The following CCDC38 variants were observed in gnomAD, a reference collection of about 807,000 sequenced individuals.
CCDC38 encodes coiled-coil domain containing 38.
Under a neutral mutation model 72.8 loss-of-function variants are expected in CCDC38, and 69 were observed. The observed-to-expected ratio is 0.95, with a 90% confidence interval of 0.78 to 1.16. The LOEUF is 1.16. CCDC38 is among the 50% of genes most tolerant of loss of function. The pLI is 0.00. For missense variants in CCDC38, 626 were observed against 638.9 expected, an observed-to-expected ratio of 0.98 and a Z score of 0.22; for synonymous variants, 201 against 213.2, an observed-to-expected ratio of 0.94 and a Z score of 0.50.
At chr12:95,871,395 T>C (rs1163256431) in intron 14 of CCDC38, among the ~76,000 whole-genome samples, 1 of 152,200 alleles carries the variant, frequency 6.6e-6, no homozygotes, top group African/African-American at 2.4e-5. Flanking sequence ...TATATGCAAA[T>C]ATGCCGTCTT....
At chr12:95,938,631 T>G (rs766648247) in intron 1 of CCDC38, among the ~76,000 whole-genome samples, 6 of 152,230 alleles carry the variant, frequency 3.9e-5, no homozygotes, top group Non-Finnish European at 8.8e-5. Context: ...CAGATGTTGT[T>G]ATACTTCTAT....
chr12:95,892,122 C>T (rs1225461286), intron 8 of CCDC38, among the ~76,000 whole-genome samples: 3 of 130,962 alleles, frequency 2.3e-5, no homozygotes, highest in Non-Finnish European at 4.7e-5. Context: ...TCTCACTCTG[C>T]TTTACTGTTT....
Position 95,873,919 on chromosome 12 carries a change from A to G in CCDC38, c.1279-1459T>C, listed in dbSNP as rs886531674. Among the ~76,000 whole-genome samples the G allele has an allele frequency of 2.0e-5, 3 of 152,222 alleles. No homozygotes were observed. The East Asian group carries it at 5.8e-4, about 29-fold the overall frequency. On this transcript the variant is annotated intron_variant, in intron 13 of 15. Transcript: ENST00000344280. ...TAGCATAAAGCTCCTTTTTACCTTC[A>G]TAAGGTAACACTTATTATATTTCCT...
At chr12:95,877,614 T>A (rs990794086) in intron 13 of CCDC38, among the ~76,000 whole-genome samples, 8 of 152,190 alleles carry the variant, frequency 5.3e-5, no homozygotes, top group African/African-American at 1.9e-4. Flanking sequence ...AACAAACATT[T>A]ATTGAGCACC....
At chr12:95,888,180 TA>T (rs2079781378) in intron 10 of CCDC38, among the ~76,000 whole-genome samples, 2 of 152,156 alleles carry the variant, frequency 1.3e-5, no homozygotes, top group Non-Finnish European at 1.5e-5. Context: ...GCTAGCAGAA[TA>T]GCTTAATAAA....
At chr12:95,921,689 A>C (rs1002068725) in intron 2 of CCDC38, among the ~76,000 whole-genome samples, 1 of 152,086 alleles carries the variant, frequency 6.6e-6, no homozygotes, top group Admixed American at 6.6e-5. Context: ...GGGTAGGGAC[A>C]CAGAGCCAAA....
chr12:95,937,102 GTTA>G (rs1178899124), intron 1 of CCDC38, among the ~76,000 whole-genome samples: 3 of 152,102 alleles, frequency 2.0e-5, no homozygotes, highest in African/African-American at 7.2e-5. Flanking sequence ...TCAACTTTCA[GTTA>G]TTATGATAAA....
intron 4 of CCDC38, among the ~76,000 whole-genome samples, chr12:95,908,143 T>A (rs1263292368): frequency 6.6e-6 from 1 of 151,728 alleles, no homozygotes; most frequent in African/African-American, 2.4e-5. Context: ...GGAGCCGAGA[T>A]CACGCCACTG....
At chr12:95,905,214 C>T (rs1036292014) in intron 5 of CCDC38, among the ~76,000 whole-genome samples, 1 of 151,870 alleles carries the variant, frequency 6.6e-6, no homozygotes, top group Non-Finnish European at 1.5e-5. Flanking sequence ...TTTTGATCTG[C>T]AGTTTGTTAA....
At chr12:95,920,068 A>G (rs189258023) in intron 2 of CCDC38, among the ~76,000 whole-genome samples, 12 of 152,354 alleles carry the variant, frequency 7.9e-5, no homozygotes, top group African/African-American at 2.9e-4. Flanking sequence ...TTAATAGCCA[A>G]AAAATAGAGA....
intron 13 of CCDC38, among the ~76,000 whole-genome samples, chr12:95,874,854 A>T (rs777716209): frequency 6.6e-6 from 1 of 152,200 alleles, no homozygotes; most frequent in Non-Finnish European, 1.5e-5. Context: ...GGATATCTAG[A>T]TGTCATTGAA....
At chr12:95,880,053 A>G in intron 11 of CCDC38, 1 of 259,092 alleles carries the variant, frequency 3.9e-6, no homozygotes, top group Non-Finnish European at 7.3e-6. Flanking sequence ...GGTGAGGAAA[A>G]GGAGACAGAG....
intron 13 of CCDC38, among the ~76,000 whole-genome samples, chr12:95,876,249 A>T (rs991770543): frequency 1.2e-4 from 19 of 152,326 alleles, no homozygotes; most frequent in African/African-American, 4.1e-4. Context: ...GAATAGTCAA[A>T]TTCAGAGAGA....
intron 4 of CCDC38, among the ~76,000 whole-genome samples, chr12:95,914,293 C>T (rs1173686872): frequency 6.6e-6 from 1 of 152,210 alleles, no homozygotes; most frequent in Non-Finnish European, 1.5e-5. Flanking sequence ...CACTGCACTC[C>T]AGCCCAGGTG....
intron 1 of CCDC38, among the ~76,000 whole-genome samples, chr12:95,938,571 C>G (rs2080417385): frequency 6.6e-6 from 1 of 152,178 alleles, no homozygotes; most frequent in Non-Finnish European, 1.5e-5. Context: ...TGCTCTTATT[C>G]TGTCTCTATT....
At chr12:95,910,302 TACAC>T (rs141853582) in intron 4 of CCDC38, among the ~76,000 whole-genome samples, 46,697 of 148,290 alleles carry the variant, frequency 0.31, 7,399 homozygotes, top group East Asian at 0.43. Context: ...CCATTTACAT[TACAC>T]ACACACACAC....
chr12:95,902,260 T>C (rs1036831189), intron 5 of CCDC38, among the ~76,000 whole-genome samples: 1 of 152,216 alleles, frequency 6.6e-6, no homozygotes, highest in African/African-American at 2.4e-5. Context: ...GTATACAATC[T>C]GTTAAGTTTT....
At chr12:95,933,652 C>T (rs532057999) in intron 2 of CCDC38, 11 of 152,318 alleles carry the variant, frequency 7.2e-5, no homozygotes, top group African/African-American at 2.2e-4. Context: ...ACTCAGCTAA[C>T]GTCAGATTCA....
intron 1 of CCDC38, among the ~76,000 whole-genome samples, chr12:95,939,735 T>G (rs78047327): frequency 6.6e-6 from 1 of 152,246 alleles, no homozygotes; most frequent in Non-Finnish European, 1.5e-5. Flanking sequence ...GGGTGTAATG[T>G]ATACTGTTCT....
Sources: gnomAD v4.1 joint callset for allele counts (sites outside exome capture counted in the v4.1 genomes callset) on GRCh38, gnomAD v4.1.1 for gene constraint, MANE v1.5 for transcripts, NCBI Gene and HGNC (gene_info 2026-07-23, HGNC 2026-07-21) for gene names.